TTC29: variants seen among roughly 807,000 people sequenced by gnomAD.
TTC29 encodes tetratricopeptide repeat domain 29, also known as tetratricopeptide repeat protein 29.
A neutral mutation model predicts 58.1 loss-of-function variants in TTC29; 49 were observed. That is an observed-to-expected ratio of 0.84 (90% CI 0.67 to 1.07). TTC29 has a LOEUF of 1.07. Ranked by LOEUF, TTC29 falls within the 50% of genes least tolerant of loss-of-function variation. The pLI is 0.00. For missense variants in TTC29, 582 were observed against 555.6 expected (o/e 1.05, Z -0.48); for synonymous variants, 209 against 196.8 (o/e 1.06, Z -0.52).
chr4:146,876,423 A>G (rs915791266), intron 6 of TTC29, among the ~76,000 whole-genome samples: 4 of 152,180 alleles, frequency 2.6e-5, no homozygotes, highest in Admixed American at 2.0e-4. Flanking sequence ...AAATTAACCT[A>G]TGCAGGTTAT....
chr4:146,860,070 A>G (rs1730127190), intron 8 of TTC29, among the ~76,000 whole-genome samples: 1 of 152,162 alleles, frequency 6.6e-6, no homozygotes. Flanking sequence ...TCGGTTTGTC[A>G]GTATTAAATC....
chr4:146,747,091 G>A (rs1473296672), intron 11 of TTC29, among the ~76,000 whole-genome samples: 1 of 152,064 alleles, frequency 6.6e-6, no homozygotes, highest in African/African-American at 2.4e-5. Flanking sequence ...GAGGACCCCA[G>A]CATCCCCTAT....
At chr4:146,893,351 G>A (rs561635321) in intron 6 of TTC29, among the ~76,000 whole-genome samples, 12 of 152,114 alleles carry the variant, frequency 7.9e-5, no homozygotes, top group Non-Finnish European at 1.8e-4. Flanking sequence ...CAATGGAACA[G>A]AACAGAGCCC....
At chr4:146,937,317 G>A (rs969170737) in intron 4 of TTC29, among the ~76,000 whole-genome samples, 1 of 151,848 alleles carries the variant, frequency 6.6e-6, no homozygotes, top group South Asian at 2.1e-4. Context: ...TAAAATGAAG[G>A]TTAACAAGCA....
Position 146,915,033 on chromosome 4 carries a change from A to G in TTC29, c.177-5784T>C, listed in dbSNP as rs375646315. Among the ~76,000 whole-genome samples the G allele has an allele frequency of 1.4e-4, 21 of 152,278 alleles. No homozygotes were observed. In the East Asian group the frequency reaches 2.7e-3, roughly 20 times the overall value. On this transcript the variant is annotated intron_variant, in intron 4 of 12. Transcript: ENST00000325106. The stretch of plus-strand genomic sequence containing the variant: ...CCACAATGTGTCAGGCACTGTGTAG[A>G]CATCATTTCTAACTGGCACAATAAC...
chr4:146,785,989 A>C (rs1441354423), intron 11 of TTC29, among the ~76,000 whole-genome samples: 1 of 135,794 alleles, frequency 7.4e-6, no homozygotes, highest in Non-Finnish European at 1.7e-5. Context: ...ATGTGTACAC[A>C]CACACACACA....
intron 5 of TTC29, among the ~76,000 whole-genome samples, chr4:146,905,105 A>C (rs776997428): frequency 1.7e-4 from 26 of 152,196 alleles, no homozygotes; most frequent in Non-Finnish European, 3.5e-4. Context: ...TCAGGTGAAA[A>C]GTAGCGCATG....
intron 2 of TTC29, chr4:146,942,578 G>A: frequency 6.5e-7 from 1 of 1,529,804 alleles, no homozygotes; most frequent in Non-Finnish European, 8.7e-7. Flanking sequence ...CCTCCCAAGA[G>A]CTTACTTCAG....
At chr4:146,750,199 G>GT (rs1745876835) in intron 11 of TTC29, among the ~76,000 whole-genome samples, 1 of 152,074 alleles carries the variant, frequency 6.6e-6, no homozygotes, top group African/African-American at 2.4e-5. Flanking sequence ...AGCAGAGACG[G>GT]GGTTTCGCGG....
intron 8 of TTC29, among the ~76,000 whole-genome samples, chr4:146,866,178 G>A (rs2150207543): frequency 6.6e-6 from 1 of 152,244 alleles, no homozygotes; most frequent in East Asian, 1.9e-4. Flanking sequence ...GAATTTTATT[G>A]TATTGTTTGA....
intron 4 of TTC29, among the ~76,000 whole-genome samples, chr4:146,925,526 G>A (rs1734872400): frequency 6.6e-6 from 1 of 151,894 alleles, no homozygotes; most frequent in Non-Finnish European, 1.5e-5. Context: ...TCCTTATCAT[G>A]GTAAGAATTT....
intron 10 of TTC29, among the ~76,000 whole-genome samples, chr4:146,811,801 A>G (rs1159220373): frequency 6.6e-6 from 1 of 152,206 alleles, no homozygotes; most frequent in Non-Finnish European, 1.5e-5. Flanking sequence ...AGGAGGAGAA[A>G]TAGAACTTCT....
chr4:146,926,269 G>A (rs1734922548), intron 4 of TTC29, among the ~76,000 whole-genome samples: 1 of 152,102 alleles, frequency 6.6e-6, no homozygotes, highest in African/African-American at 2.4e-5. Context: ...ACTGATGTAT[G>A]TCTTTTCATC....
intron 8 of TTC29, among the ~76,000 whole-genome samples, chr4:146,839,743 T>C (rs1439294944): frequency 6.6e-6 from 1 of 151,988 alleles, no homozygotes; most frequent in African/African-American, 2.4e-5. Flanking sequence ...TTTTTTCTCT[T>C]TTCCTTGAGT....
chr4:146,866,976 A>C (rs187164598), intron 8 of TTC29, among the ~76,000 whole-genome samples: 176 of 152,202 alleles, frequency 1.2e-3, no homozygotes, highest in African/African-American at 4.0e-3. Flanking sequence ...AAAATAGCCT[A>C]ACAGTGATTT....
chr4:146,786,872 G>T (rs1199066957), intron 11 of TTC29, among the ~76,000 whole-genome samples: 1 of 152,054 alleles, frequency 6.6e-6, no homozygotes, highest in African/African-American at 2.4e-5. Context: ...CAGTGCTTTG[G>T]GAGGCCAAGG....
At position 146,909,193 on chromosome 4, in the gene TTC29, T is replaced by C. The variant is rs372228856; in HGVS notation, c.233A>G (p.His78Arg). ...AGCGAAGAGCTCGGTGAAGGACTTATGATAACCATCTCGCAGCATGTCCAC... is the reference window on the plus strand; with the variant it reads ...AGCGAAGAGCTCGGTGAAGGACTTACGATAACCATCTCGCAGCATGTCCAC... ...ICVDMLRDGY[H>R]KSFTELFALM... Residue 78 changes from histidine (H) to arginine (R), a missense_variant, in exon 5 of 13, where the codon CAT (histidine) becomes CGT (arginine). Coordinates refer to ENST00000325106, the MANE Select transcript of TTC29 (RefSeq NM_031956.4). 4.6e-5 allele frequency: 75 copies of C among 1,613,698 alleles called. No homozygotes were observed. The highest frequency in any genetic ancestry group is 5.9e-5 in the Non-Finnish European group (70 of 1,179,864).
chr4:146,809,148 A>C (rs1023852666), intron 10 of TTC29, among the ~76,000 whole-genome samples: 5 of 150,064 alleles, frequency 3.3e-5, no homozygotes, highest in Non-Finnish European at 7.4e-5. Flanking sequence ...AGGATTCCCT[A>C]TTTAATAAAT....
At chr4:146,769,720 T>A (rs891038474) in intron 11 of TTC29, among the ~76,000 whole-genome samples, 3 of 152,066 alleles carry the variant, frequency 2.0e-5, no homozygotes, top group Non-Finnish European at 2.9e-5. Context: ...TGCACAACAG[T>A]GACCCTGAAT....
Sources: gnomAD v4.1 joint callset for allele counts (sites outside exome capture counted in the v4.1 genomes callset) on GRCh38, gnomAD v4.1.1 for gene constraint, MANE v1.5 for transcripts, NCBI Gene and HGNC (gene_info 2026-07-23, HGNC 2026-07-21) for gene names.